Variants in MYO1B observed in about 807,000 individuals in gnomAD.
MYO1B encodes unconventional myosin-Ib.
MYO1B carries 72 observed loss-of-function variants against 159.7 expected under a neutral mutation model. The ratio of observed to expected loss-of-function variants is 0.45; its 90% CI spans 0.37 to 0.55. The LOEUF is 0.55. Among genes scored for constraint, MYO1B ranks in the 20% least tolerant of loss-of-function variants. The pLI is 0.00. For synonymous variants in MYO1B, 468 were observed against 473.8 expected (o/e 0.99, Z 0.16); for missense variants, 1,062 against 1,364.8 (o/e 0.78, Z 3.50).
intron 12 of MYO1B, among the ~76,000 whole-genome samples, 173 bp from the exon 13 acceptor site, chr2:191,370,054 A>G (rs1694259833): frequency 1.3e-5 from 2 of 152,206 alleles, no homozygotes; most frequent in Admixed American, 1.3e-4. Flanking sequence ...TAAAATTTCT[A>G]AAAGAGTTCT....
At chr2:191,410,689 T>C (rs754862816) in intron 26 of MYO1B, among the ~76,000 whole-genome samples, 82 of 152,210 alleles carry the variant, frequency 5.4e-4, no homozygotes, top group Non-Finnish European at 1.0e-3. Flanking sequence ...TGTATGTGTG[T>C]GGAAATGTGC....
At chr2:191,366,952 A>T (rs767894729) in intron 11 of MYO1B, among the ~76,000 whole-genome samples, 1 of 151,762 alleles carries the variant, frequency 6.6e-6, no homozygotes, top group Non-Finnish European at 1.5e-5. Flanking sequence ...AAGCTCCTGG[A>T]GGGCAGGCCC....
intron 3 of MYO1B, among the ~76,000 whole-genome samples, chr2:191,305,760 CAG>C (rs72004432): frequency 0.077 from 11,765 of 152,172 alleles, 716 homozygotes; most frequent in Admixed American, 0.19. Flanking sequence ...TTGGAATTAA[CAG>C]AAGAGTCTGA....
At chr2:191,406,039 A>G (rs1467753029) in intron 24 of MYO1B, among the ~76,000 whole-genome samples, 2 of 152,230 alleles carry the variant, frequency 1.3e-5, no homozygotes, top group Non-Finnish European at 2.9e-5. Flanking sequence ...GTGTAGCCAC[A>G]TTCATGAGTG....
chr2:191,385,122 A>C (rs1029669580), intron 15 of MYO1B, among the ~76,000 whole-genome samples: 4 of 152,218 alleles, frequency 2.6e-5, no homozygotes, highest in African/African-American at 7.2e-5. Context: ...GGGGCAGTCC[A>C]TGGAGTAGCA....
intron 13 of MYO1B, among the ~76,000 whole-genome samples, chr2:191,374,762 C>G (rs996418246): frequency 5.3e-5 from 8 of 152,202 alleles, no homozygotes; most frequent in Non-Finnish European, 1.0e-4. Context: ...CCTGGTAGAA[C>G]AGAAGACCAA....
At chr2:191,330,124 C>A in intron 4 of MYO1B, 95 bp downstream of exon 4, 1 of 990,874 alleles carries the variant, frequency 1.0e-6, no homozygotes, top group South Asian at 1.6e-5. Flanking sequence ...CAAGATCTGT[C>A]GCAGGGCCAC....
In MYO1B at chr2:191,408,102, C is replaced by A. The variant is rs772464686; in HGVS notation, c.2557-13C>A. 1.3e-6 allele frequency: 2 copies of A among 1,596,948 alleles called. No homozygotes were observed. Among genetic ancestry groups the A allele is most frequent in the South Asian group, 2.2e-5 (2 of 90,600 alleles). On this transcript the variant is annotated splice_polypyrimidine_tract_variant and intron_variant, in intron 24 of 30. Transcript: ENST00000392318. Reference sequence around the variant, plus strand: ...ACACATTAACCACTGTAACCTACATCTTCTTTTTAAAGGTACGTAGAGAAT... The same window carrying A: ...ACACATTAACCACTGTAACCTACATATTCTTTTTAAAGGTACGTAGAGAAT...
At chr2:191,252,260 AT>A (rs1686166949) in intron 1 of MYO1B, among the ~76,000 whole-genome samples, 1 of 152,152 alleles carries the variant, frequency 6.6e-6, no homozygotes, top group South Asian at 2.1e-4. Context: ...CTTGCCTGAA[AT>A]TTTCAAAGTG....
rs1182693489 is a variant in MYO1B, at chr2:191,409,622, A to G, written c.2766+444A>G. ...ATAATCAGATAATACATGTGAACAC[A>G]CACACTTTGATGGGTGGGAAAAAAG... On this transcript the variant is annotated intron_variant, in intron 26 of 30. Coordinates refer to ENST00000392318, the MANE Select transcript of MYO1B (RefSeq NM_001130158.3). Among the ~76,000 whole-genome samples the G allele has an allele frequency of 1.3e-5, 2 of 152,254 alleles. 1 individual carries two copies. Among genetic ancestry groups the G allele is most frequent in the Non-Finnish European group, 2.9e-5 (2 of 68,040 alleles).
At chr2:191,312,501 TA>T (rs760756797) in intron 3 of MYO1B, among the ~76,000 whole-genome samples, 13 of 152,376 alleles carry the variant, frequency 8.5e-5, no homozygotes, top group Middle Eastern at 3.4e-3. Context: ...TGATTTTTAT[TA>T]ATCATATGAC....
chr2:191,400,913 T>C (rs1410277699), intron 23 of MYO1B, 78 bp downstream of exon 23: 2 of 1,345,366 alleles, frequency 1.5e-6, no homozygotes, highest in African/African-American at 2.9e-5. Flanking sequence ...TATTAGGGGA[T>C]GAATGACTAC....
chr2:191,413,892 T>C (rs1319008844), intron 27 of MYO1B, among the ~76,000 whole-genome samples, 156 bp from the exon 28 acceptor site: 1 of 152,204 alleles, frequency 6.6e-6, no homozygotes, highest in Admixed American at 6.5e-5. Context: ...TTCCAACTTA[T>C]ATTTAGGACA....
chr2:191,346,672 G>A (rs929125955), intron 6 of MYO1B, among the ~76,000 whole-genome samples: 1 of 152,194 alleles, frequency 6.6e-6, no homozygotes, highest in African/African-American at 2.4e-5. Context: ...TATTCAGTGG[G>A]TCCAGAAAGG....
intron 14 of MYO1B, among the ~76,000 whole-genome samples, chr2:191,381,851 A>G (rs981625308): frequency 6.6e-6 from 1 of 152,214 alleles, no homozygotes; most frequent in South Asian, 2.1e-4. Flanking sequence ...ATTTGCCAAA[A>G]CTTAGAGAAC....
chr2:191,340,475 A>G (rs1244377833), intron 4 of MYO1B, among the ~76,000 whole-genome samples: 2 of 152,194 alleles, frequency 1.3e-5, no homozygotes, highest in African/African-American at 4.8e-5. Flanking sequence ...GGGAAGGGAT[A>G]AAACCACCAA....
At chr2:191,265,471 G>C (rs1006334261) in intron 1 of MYO1B, among the ~76,000 whole-genome samples, 1 of 152,164 alleles carries the variant, frequency 6.6e-6, no homozygotes, top group African/African-American at 2.4e-5. Context: ...GAATGAGATT[G>C]AGACCCTCTG....
Position 191,362,273 on chromosome 2 carries a change from C to T in MYO1B, c.667C>T (p.Leu223Phe). 2 of 1,613,064 alleles carry T rather than the reference C, an allele frequency of 1.2e-6. No individual in the cohort carries two copies. Among genetic ancestry groups the T allele is most frequent in the Non-Finnish European group, 1.7e-6 (2 of 1,179,292 alleles). ...TTGTGTCTTTGATTCAATAGATAAA[C>T]TTAAGCTTGAGAGGGATTTCAGCAG... Reference protein sequence around the residue: ...SGASEELLNKLKLERDFSRYN... With the variant: ...SGASEELLNKFKLERDFSRYN... The change falls in exon 9 of 31, where the codon CTT becomes TTT. Residue 223 changes from leucine (L) to phenylalanine (F), a missense_variant. Coordinates refer to ENST00000392318, the MANE Select transcript of MYO1B (RefSeq NM_001130158.3).
At position 191,276,920 on chromosome 2, in the gene MYO1B, T is replaced by G; in HGVS notation, c.25T>G (p.Ser9Ala). Reference sequence around the variant, plus strand: ...CATGGCCAAAATGGAGGTGAAAACCTCACTTCTGGACAATATGATTGGAGT... The same window carrying G: ...CATGGCCAAAATGGAGGTGAAAACCGCACTTCTGGACAATATGATTGGAGT... Reference protein sequence around the residue: MAKMEVKTSLLDNMIGVGD... With the variant: MAKMEVKTALLDNMIGVGD... The change falls in exon 2 of 31, where the codon TCA becomes GCA. Residue 9 changes from serine to alanine, a missense_variant. Physicochemically the swap from Ser to Ala is moderately conservative, Grantham distance 99 (BLOSUM62 1). This residue lies in a region of MYO1B where 415 missense variants were observed against 544.0 expected (regional missense o/e 0.76). Transcript: ENST00000392318. 1 of 1,611,210 alleles carries G rather than the reference T, an allele frequency of 6.2e-7. No homozygotes were observed. Among genetic ancestry groups the G allele is most frequent in the Non-Finnish European group, 8.5e-7 (1 of 1,179,176 alleles).
Sources: allele counts gnomAD v4.1 joint callset (sites outside exome capture counted in the v4.1 genomes callset), GRCh38; gene constraint gnomAD v4.1.1; regional missense constraint gnomAD v4.1.1; transcripts MANE v1.5; gene names NCBI Gene and HGNC (gene_info 2026-07-23, HGNC 2026-07-21).